Variants in SLF1 observed in about 807,000 individuals in gnomAD.
The protein encoded by SLF1 is SMC5/6 complex localization factor 1.
In SLF1, 105 loss-of-function variants were observed where a neutral mutation model predicts 123.0. The ratio of observed to expected loss-of-function variants is 0.85; its 90% CI spans 0.73 to 1.00. SLF1 has a LOEUF of 1.00. Ranked by LOEUF, SLF1 falls within the 50% of genes least tolerant of loss-of-function variation. The pLI, the probability that SLF1 is intolerant of heterozygous loss-of-function variation, is 0.00. For synonymous variants in SLF1, 434 were observed against 406.6 expected (o/e 1.07, Z -0.81); for missense variants, 1,239 against 1,223.0 (o/e 1.01, Z -0.20).
chr5:94,627,177 G>A (rs1369791446), intron 1 of SLF1, among the ~76,000 whole-genome samples: 1 of 152,106 alleles, frequency 6.6e-6, no homozygotes, highest in Non-Finnish European at 1.5e-5. Context: ...ACTTGTAATT[G>A]TATTGAAAGA....
intron 15 of SLF1, among the ~76,000 whole-genome samples, chr5:94,681,992 A>G (rs1751834805): frequency 6.6e-6 from 1 of 152,198 alleles, no homozygotes; most frequent in African/African-American, 2.4e-5. Context: ...TTTGAAGGCT[A>G]AGCAACCAAC....
chr5:94,628,840 C>T lies in SLF1; in HGVS notation c.30C>T (p.Ile10=). The T allele has an allele frequency of 4.5e-6, 7 of 1,548,898 alleles. No individual in the cohort carries two copies. Among genetic ancestry groups the T allele is most frequent in the South Asian group, 2.4e-5 (2 of 83,106 alleles). MEDGTPKHI[I]QMTGFKMEEK... ...AAGATGGTACCCCAAAGCATATCAT[C>T]CAGATGACAGGATTTAAGATGGAAG... Residue 10 remains isoleucine (I), a synonymous_variant, in exon 2 of 21, where the codon ATC becomes ATT. Transcript: ENST00000265140.
At chr5:94,618,602 A>C (rs1791226145), upstream of SLF1, 1 of 154,670 alleles carries the variant, frequency 6.5e-6, no homozygotes, top group African/African-American at 2.4e-5. Context: ...CCGGAGCGTC[A>C]CTGACAACCA....
At chr5:94,673,681 C>A (rs1167247146) in intron 14 of SLF1, among the ~76,000 whole-genome samples, 11 of 129,370 alleles carry the variant, frequency 8.5e-5, no homozygotes, top group Admixed American at 1.7e-4. Flanking sequence ...CAGAGTGAGA[C>A]CTTGTCTCTT....
intron 16 of SLF1, among the ~76,000 whole-genome samples, chr5:94,687,530 C>T (rs1176050543): frequency 1.3e-5 from 2 of 151,932 alleles, no homozygotes; most frequent in African/African-American, 4.8e-5. Context: ...TACTCTGTCT[C>T]TAAAAAAAAG....
In SLF1 at chr5:94,686,715, A is replaced by G; in HGVS notation, c.2118A>G (p.Lys706=). Residue 706 remains lysine (K), a synonymous_variant, in exon 16 of 21, where the codon AAA becomes AAG. Coordinates refer to ENST00000265140, the MANE Select transcript of SLF1 (RefSeq NM_032290.4). Reference sequence around the variant, plus strand: ...CTTCTGAGCCACTCTCTCTTCAGAAAATGGTAAGTACCTCTCTATTCTGGT... The same window carrying G: ...CTTCTGAGCCACTCTCTCTTCAGAAGATGGTAAGTACCTCTCTATTCTGGT... ...SVSSEPLSLQ[K]MVYSYLPALG... is the part of the protein sequence containing the mutation. 6.2e-7 allele frequency: 1 copy of G among 1,613,642 alleles called. No homozygotes were observed. The highest frequency in any genetic ancestry group is 2.2e-5 in the East Asian group (1 of 44,854).
rs754409004 is a variant in SLF1 at position 94,678,932 on chromosome 5, G to A, written c.1952G>A (p.Ser651Asn). 2 of 1,613,212 alleles carry A rather than the reference G, an allele frequency of 1.2e-6. No individual in the cohort carries two copies. Among genetic ancestry groups the A allele is most frequent in the Non-Finnish European group, 1.7e-6 (2 of 1,179,614 alleles). The change falls in exon 15 of 21, where the codon AGT becomes AAT. Residue 651 changes from serine to asparagine, a missense_variant. Ser to Asn is a conservative substitution (Grantham distance 46). Coordinates refer to ENST00000265140, the MANE Select transcript of SLF1 (RefSeq NM_032290.4). ...CGACACATGTCTGATGACTTAGGAAGTTATGTTTCTCTTTCGTGTGATGGT... is the reference window on the plus strand; with the variant it reads ...CGACACATGTCTGATGACTTAGGAAATTATGTTTCTCTTTCGTGTGATGGT... ...VMRHMSDDLG[S>N]YVSLSCDDFS...
chr5:94,692,090 G>A lies in SLF1; in HGVS notation c.2529G>A (p.Thr843=), dbSNP rs185638719. 9 of 1,613,240 alleles carry A rather than the reference G, an allele frequency of 5.6e-6. No individual in the cohort carries two copies. Among genetic ancestry groups the A allele is most frequent in the Admixed American group, 5.0e-5 (3 of 59,942 alleles). Residue 843 remains threonine, a synonymous_variant, in exon 20 of 21, where the codon ACG becomes ACA. Coordinates refer to ENST00000265140, the MANE Select transcript of SLF1 (RefSeq NM_032290.4). ...CTAATTTAGACAATGCTGGCTGGAC[G>A]CCTTTGCATGAAGCCTGTAACTATG... ...DINVKDNAGW[T]PLHEACNYGN...
At chr5:94,657,537 A>G (rs1316939101) in intron 9 of SLF1, among the ~76,000 whole-genome samples, 1 of 152,056 alleles carries the variant, frequency 6.6e-6, no homozygotes, top group African/African-American at 2.4e-5. Flanking sequence ...AATGTTCTCT[A>G]AATGTCTGTT....
intron 7 of SLF1, among the ~76,000 whole-genome samples, chr5:94,652,517 T>G (rs1345605844): frequency 1.3e-5 from 2 of 152,366 alleles, no homozygotes; most frequent in East Asian, 3.9e-4. Context: ...GTATATAAAA[T>G]TTTATTGTTT....
intron 4 of SLF1, among the ~76,000 whole-genome samples, chr5:94,635,948 ACTTT>A (rs2152469803): frequency 6.6e-6 from 1 of 152,254 alleles, no homozygotes; most frequent in South Asian, 2.1e-4. Context: ...AGCTTAAAGA[ACTTT>A]CTTTCATAAT....
At chr5:94,628,684 C>T in intron 1 of SLF1, 127 bp from the exon 2 acceptor site, 2 of 522,802 alleles carry the variant, frequency 3.8e-6, no homozygotes, top group Non-Finnish European at 6.5e-6. Flanking sequence ...ACAGCTGTGC[C>T]TAACATCTTT....
intron 14 of SLF1, among the ~76,000 whole-genome samples, chr5:94,673,416 T>C (rs1370211545): frequency 6.6e-6 from 1 of 152,132 alleles, no homozygotes; most frequent in Admixed American, 6.5e-5. Flanking sequence ...GGTTCCTGCC[T>C]GTAATCCCAG....
chr5:94,696,565 ACTAT>A lies in SLF1; in HGVS notation c.*1257_*1260del, dbSNP rs1468205810. ...TCAGACAAAAAATGATATAGTGAAG[ACTAT>A]CTAAGAAGAGTTTAAATGCTTATAG... On this transcript the variant is annotated 3_prime_UTR_variant, in exon 21 of 21. Coordinates refer to ENST00000265140, the MANE Select transcript of SLF1 (RefSeq NM_032290.4). The A allele has an allele frequency of 4.0e-5, 6 of 151,858 alleles. No homozygotes were observed. The highest frequency in any genetic ancestry group is 6.6e-5 in the Admixed American group (1 of 15,208). 9.4% of individuals were successfully genotyped at this position (151,858 alleles called of 1,614,324 possible).
intron 9 of SLF1, among the ~76,000 whole-genome samples, chr5:94,661,244 G>A (rs965580997): frequency 2.0e-5 from 3 of 152,172 alleles, no homozygotes; most frequent in Admixed American, 6.5e-5. Context: ...TAGGATTGCA[G>A]GAATTCATGG....
chr5:94,621,310 A>G (rs1791765214), intron 1 of SLF1, among the ~76,000 whole-genome samples: 1 of 152,194 alleles, frequency 6.6e-6, no homozygotes, highest in Non-Finnish European at 1.5e-5. Flanking sequence ...ACCATTTACT[A>G]GCTGTGTACC....
At chr5:94,689,907 A>T (rs1176889012) in intron 18 of SLF1, among the ~76,000 whole-genome samples, 1 of 152,018 alleles carries the variant, frequency 6.6e-6, no homozygotes, top group Non-Finnish European at 1.5e-5. Flanking sequence ...TTACTTTTCT[A>T]TTCCATCTCA....
At chr5:94,627,588 A>ATATATGTATATG (rs201555353) in intron 1 of SLF1, among the ~76,000 whole-genome samples, 7 of 74,572 alleles carry the variant, frequency 9.4e-5, no homozygotes, top group East Asian at 1.0e-3. Context: ...AAATTAACAT[A>ATATATGTATATG]TATATATATA....
At chr5:94,669,574 T>TG (rs1359804809) in intron 12 of SLF1, among the ~76,000 whole-genome samples, 1 of 152,080 alleles carries the variant, frequency 6.6e-6, no homozygotes, top group Non-Finnish European at 1.5e-5. Context: ...TAATTAAAAA[T>TG]GTGGGTCCTT....
Sources: allele counts gnomAD v4.1 joint callset (sites outside exome capture counted in the v4.1 genomes callset), GRCh38; gene constraint gnomAD v4.1.1; transcripts MANE v1.5; gene names NCBI Gene and HGNC (gene_info 2026-07-23, HGNC 2026-07-21).